C12orf42: variants seen among roughly 807,000 people sequenced by gnomAD.
C12orf42 encodes chromosome 12 open reading frame 42, also known as uncharacterized protein C12orf42.
In C12orf42, 25 loss-of-function variants were observed where a neutral mutation model predicts 21.6. The observed-to-expected ratio is 1.16, with a 90% CI of 0.84 to 1.62. The LOEUF is 1.62. Among genes scored for constraint, C12orf42 ranks in the 40% most tolerant of loss-of-function variants. C12orf42 has a pLI of 0.00. For synonymous variants in C12orf42, 174 were observed against 175.0 expected, an observed-to-expected ratio of 0.99 and a Z score of 0.05; for missense variants, 483 against 459.3, an observed-to-expected ratio of 1.05 and a Z score of -0.47.
intron 2 of C12orf42, among the ~76,000 whole-genome samples, chr12:103,425,370 GC>G (rs1342675848): frequency 6.6e-6 from 1 of 152,164 alleles, no homozygotes; most frequent in Admixed American, 6.5e-5. Context: ...GTGGGTGCCT[GC>G]CCCCCGTGCC....
chr12:103,460,760 G>A (rs111337481), intron 2 of C12orf42, among the ~76,000 whole-genome samples: 2 of 152,190 alleles, frequency 1.3e-5, no homozygotes, highest in Admixed American at 1.3e-4. Flanking sequence ...CCATCTGTAA[G>A]TTGGGAACTA....
the C12orf42 span, among the ~76,000 whole-genome samples, chr12:103,065,332 A>T: frequency 6.6e-6 from 1 of 152,216 alleles, no homozygotes; most frequent in Non-Finnish European, 1.5e-5. Flanking sequence ...AAATTAACAC[A>T]TCTCCTGGTA....
At chr12:103,075,516 G>C in the C12orf42 span, among the ~76,000 whole-genome samples, 1 of 152,156 alleles carries the variant, frequency 6.6e-6, no homozygotes, top group Middle Eastern at 3.2e-3. Flanking sequence ...TAATCACTAA[G>C]AGCCTAAGCA....
At chr12:103,143,217 G>A in the C12orf42 span, among the ~76,000 whole-genome samples, 1 of 152,200 alleles carries the variant, frequency 6.6e-6, no homozygotes, top group South Asian at 2.1e-4. Context: ...TTCTAAGCCA[G>A]CGACAGCATT....
the C12orf42 span, chr12:103,151,935 CA>C: frequency 1.3e-5 from 2 of 152,174 alleles, no homozygotes; most frequent in Non-Finnish European, 2.9e-5. Flanking sequence ...CTGACTTAAC[CA>C]GATGAGTCAT....
At chr12:103,243,200 C>CT (rs1263375288) in intron 10 of C12orf42, among the ~76,000 whole-genome samples, 1 of 151,584 alleles carries the variant, frequency 6.6e-6, no homozygotes, top group Non-Finnish European at 1.5e-5. Context: ...TTTGGTTTTT[C>CT]TTTTTTTTCA....
intron 4 of C12orf42, among the ~76,000 whole-genome samples, chr12:103,309,382 ATTTTC>A (rs1483127395): frequency 3.9e-5 from 6 of 152,124 alleles, no homozygotes; most frequent in Admixed American, 1.3e-4. Context: ...TCTTAAAAAC[ATTTTC>A]TTTTCTTTAG....
At chr12:103,082,721 C>T in the C12orf42 span, among the ~76,000 whole-genome samples, 1 of 152,178 alleles carries the variant, frequency 6.6e-6, no homozygotes, top group African/African-American at 2.4e-5. Flanking sequence ...TTATTACCTT[C>T]CATTTAAAAT....
At chr12:103,146,583 A>T in the C12orf42 span, among the ~76,000 whole-genome samples, 3 of 150,836 alleles carry the variant, frequency 2.0e-5, no homozygotes, top group Admixed American at 6.6e-5. Flanking sequence ...AAAGAAAGAA[A>T]GAAAGAAAGA....
intron 4 of C12orf42, among the ~76,000 whole-genome samples, chr12:103,355,137 C>G (rs1347645759): frequency 6.6e-6 from 1 of 152,052 alleles, no homozygotes; most frequent in East Asian, 1.9e-4. Context: ...GAGTATTCCC[C>G]CTTTGAGAAA....
chr12:103,340,334 G>A (rs2042057753), intron 4 of C12orf42, among the ~76,000 whole-genome samples: 1 of 152,232 alleles, frequency 6.6e-6, no homozygotes, highest in Admixed American at 6.5e-5. Context: ...GTAGGGCCAG[G>A]AATGGTGCCT....
At chr12:103,511,037 A>G in the C12orf42 span, among the ~76,000 whole-genome samples, 3 of 152,208 alleles carry the variant, frequency 2.0e-5, no homozygotes, top group Non-Finnish European at 4.4e-5. Context: ...GACAGGGTTG[A>G]CCATTCTAAC....
the C12orf42 span, among the ~76,000 whole-genome samples, chr12:103,182,306 A>C: frequency 2.0e-5 from 3 of 152,202 alleles, no homozygotes; most frequent in South Asian, 4.1e-4. Flanking sequence ...CTTGTAAATG[A>C]GGTTAAGGCA....
chr12:103,202,035 A>G, the C12orf42 span, among the ~76,000 whole-genome samples: 1 of 152,336 alleles, frequency 6.6e-6, no homozygotes, highest in South Asian at 2.1e-4. Flanking sequence ...GCAAACACCT[A>G]GTAACCTAGT....
the C12orf42 span, among the ~76,000 whole-genome samples, chr12:103,169,218 G>A: frequency 1.3e-5 from 2 of 151,448 alleles, no homozygotes; most frequent in South Asian, 2.1e-4. Context: ...TTAGGGTGGA[G>A]CAGCCAGCTT....
At chr12:103,152,805 T>C in the C12orf42 span, among the ~76,000 whole-genome samples, 1 of 152,044 alleles carries the variant, frequency 6.6e-6, no homozygotes, top group Non-Finnish European at 1.5e-5. Flanking sequence ...ATGAAAAATG[T>C]GTAAGACTTT....
intron 2 of C12orf42, among the ~76,000 whole-genome samples, chr12:103,417,018 C>A (rs1566278260): frequency 6.6e-6 from 1 of 152,140 alleles, no homozygotes; most frequent in South Asian, 2.1e-4. Context: ...CCATACCTTC[C>A]CTATCTCACT....
the C12orf42 span, among the ~76,000 whole-genome samples, chr12:103,115,586 C>T: frequency 6.6e-6 from 1 of 152,204 alleles, no homozygotes; most frequent in South Asian, 2.1e-4. Flanking sequence ...TCGTTACCCA[C>T]TTCCCGGAGT....
At chr12:103,542,269 T>C in the C12orf42 span, among the ~76,000 whole-genome samples, 1 of 152,226 alleles carries the variant, frequency 6.6e-6, no homozygotes, top group Admixed American at 6.5e-5. Flanking sequence ...CATTACATAG[T>C]ATGAACATGA....
Sources: allele counts gnomAD v4.1 joint callset (sites outside exome capture counted in the v4.1 genomes callset), GRCh38; gene constraint gnomAD v4.1.1; transcripts MANE v1.5; gene names NCBI Gene and HGNC (gene_info 2026-07-23, HGNC 2026-07-21).